Variants in TRAPPC9 observed in about 807,000 individuals in gnomAD.
The protein encoded by TRAPPC9 is IKK2 binding protein.
A neutral mutation model predicts 124.0 loss-of-function variants in TRAPPC9; 83 were observed. The observed-to-expected ratio is 0.67, with a 90% CI of 0.56 to 0.80. The LOEUF is 0.80. Among genes scored for constraint, TRAPPC9 ranks in the 30% least tolerant of loss-of-function variants. TRAPPC9 has a pLI of 0.00. For missense variants in TRAPPC9, 1,302 were observed against 1,508.3 expected, an observed-to-expected ratio of 0.86 and a Z score of 2.27; for synonymous variants, 638 against 617.5, an observed-to-expected ratio of 1.03 and a Z score of -0.49.
rs1487311156 is a variant in TRAPPC9 at position 139,885,906 on chromosome 8, G to A, written c.3028C>T (p.His1010Tyr). 6.4e-7 allele frequency: 1 copy of A among 1,569,944 alleles called. No homozygotes were observed. Among genetic ancestry groups the A allele is most frequent in the Admixed American group, 1.8e-5 (1 of 54,178 alleles). The change falls in exon 21 of 23, where the codon CAC becomes TAC. Residue 1010 changes from histidine to tyrosine, a missense_variant. By Grantham distance (83) the His-to-Tyr change is moderately conservative. Transcript: ENST00000438773. ...CACTGCAGAGGCGCCAGCTGCAGGT[G>A]CTCCAGGACGAGCTGGTTCAGGAGT... ...EGLLNQLVLE[H>Y]LQLAPLQWDV... is the part of the protein sequence containing the mutation.
chr8:140,441,642 G>T (rs2071019833), intron 2 of TRAPPC9, among the ~76,000 whole-genome samples: 1 of 151,528 alleles, frequency 6.6e-6, no homozygotes, highest in South Asian at 2.1e-4. Flanking sequence ...AACAGAGCAA[G>T]ACCATGTCTC....
chr8:139,928,992 G>A (rs1484143846), intron 19 of TRAPPC9, among the ~76,000 whole-genome samples: 1 of 152,084 alleles, frequency 6.6e-6, no homozygotes, highest in Non-Finnish European at 1.5e-5. Flanking sequence ...GGAGACGTGT[G>A]CGTGGGCGCG....
chr8:140,193,167 T>C (rs1173073618), intron 17 of TRAPPC9, among the ~76,000 whole-genome samples: 1 of 152,142 alleles, frequency 6.6e-6, no homozygotes, highest in African/African-American at 2.4e-5. Flanking sequence ...CATTCCAGAG[T>C]TGCTTGGAGG....
intron 21 of TRAPPC9, among the ~76,000 whole-genome samples, chr8:139,877,164 C>A (rs540983606): frequency 1.3e-5 from 2 of 152,312 alleles, no homozygotes; most frequent in South Asian, 4.2e-4. Flanking sequence ...CAGCACAGAC[C>A]AATCATTGAT....
chr8:140,155,179 G>A (rs1309446392), intron 17 of TRAPPC9, among the ~76,000 whole-genome samples: 1 of 152,216 alleles, frequency 6.6e-6, no homozygotes, highest in African/African-American at 2.4e-5. Flanking sequence ...TAAAAGGGGT[G>A]AGGAGATCAC....
At chr8:139,864,938 G>A (rs923144638) in intron 21 of TRAPPC9, among the ~76,000 whole-genome samples, 15 of 152,182 alleles carry the variant, frequency 9.9e-5, no homozygotes, top group South Asian at 2.1e-4. Flanking sequence ...CATGAGCTCC[G>A]CAGGAACCAT....
intron 5 of TRAPPC9, among the ~76,000 whole-genome samples, chr8:140,421,875 A>G (rs961998744): frequency 1.3e-5 from 2 of 150,764 alleles, no homozygotes; most frequent in African/African-American, 4.8e-5. Flanking sequence ...ACCACTGCAG[A>G]GTAAGTAATG....
chr8:140,001,535 G>T (rs1398514284), intron 18 of TRAPPC9, among the ~76,000 whole-genome samples: 1 of 152,022 alleles, frequency 6.6e-6, no homozygotes, highest in African/African-American at 2.4e-5. Context: ...TTTTTAAAAA[G>T]ATCAATGTAA....
intron 21 of TRAPPC9, among the ~76,000 whole-genome samples, chr8:139,794,097 C>A (rs578102455): frequency 6.6e-6 from 1 of 152,142 alleles, no homozygotes; most frequent in Non-Finnish European, 1.5e-5. Flanking sequence ...CCACCCTGCT[C>A]TGCTGTTCTT....
At chr8:140,447,811 G>A (rs2071321784) in intron 2 of TRAPPC9, among the ~76,000 whole-genome samples, 2 of 152,154 alleles carry the variant, frequency 1.3e-5, no homozygotes, top group African/African-American at 4.8e-5. Flanking sequence ...AGCTGCAGGG[G>A]AGACAAGGCT....
intron 20 of TRAPPC9, among the ~76,000 whole-genome samples, chr8:139,892,089 T>C (rs1223017658): frequency 6.6e-6 from 1 of 152,160 alleles, no homozygotes; most frequent in Non-Finnish European, 1.5e-5. Context: ...CACATACCCA[T>C]ACATGGGCCG....
At chr8:140,239,063 C>T (rs1441830464) in intron 16 of TRAPPC9, among the ~76,000 whole-genome samples, 1 of 152,166 alleles carries the variant, frequency 6.6e-6, no homozygotes, top group African/African-American at 2.4e-5. Context: ...GAGAAAGCTG[C>T]TCCTTGGAGC....
intron 11 of TRAPPC9, among the ~76,000 whole-genome samples, chr8:140,296,709 G>A (rs938631264): frequency 3.9e-5 from 6 of 152,218 alleles, no homozygotes; most frequent in Non-Finnish European, 7.3e-5. Flanking sequence ...TTTGAACAAA[G>A]GCCCTATGTT....
At chr8:139,977,856 T>A (rs1385927322) in intron 19 of TRAPPC9, among the ~76,000 whole-genome samples, 1 of 151,822 alleles carries the variant, frequency 6.6e-6, no homozygotes, top group Non-Finnish European at 1.5e-5. Context: ...AATTTTTGTA[T>A]CTTTAGTAGA....
At chr8:139,803,168 C>T (rs542229631) in intron 21 of TRAPPC9, among the ~76,000 whole-genome samples, 48 of 150,534 alleles carry the variant, frequency 3.2e-4, no homozygotes, top group Admixed American at 6.6e-4. Context: ...GTGCTGTGTG[C>T]GCGTTGTGTA....
intron 3 of TRAPPC9, among the ~76,000 whole-genome samples, chr8:140,438,457 A>G (rs1453886730): frequency 2.0e-5 from 3 of 152,138 alleles, no homozygotes; most frequent in Admixed American, 6.6e-5. Flanking sequence ...GGTGAAGATC[A>G]TGGGGAACGG....
At chr8:140,267,142 C>T (rs758981196) in intron 15 of TRAPPC9, among the ~76,000 whole-genome samples, 3 of 152,110 alleles carry the variant, frequency 2.0e-5, no homozygotes, top group South Asian at 2.1e-4. Flanking sequence ...GAAGAAAAAG[C>T]GGTTTATTCT....
At chr8:139,872,137 C>T (rs1353748683) in intron 21 of TRAPPC9, among the ~76,000 whole-genome samples, 125 of 67,990 alleles carry the variant, frequency 1.8e-3, no homozygotes, top group Middle Eastern at 0.012. Flanking sequence ...GGTGGATGGG[C>T]TGGTGGGTAA....
At chr8:140,080,239 T>C (rs999427950) in intron 17 of TRAPPC9, among the ~76,000 whole-genome samples, 26 of 152,188 alleles carry the variant, frequency 1.7e-4, no homozygotes, top group African/African-American at 6.0e-4. Context: ...CACTCAGCAC[T>C]GTGGAAATTG....
Sources: gnomAD v4.1 joint callset for allele counts (sites outside exome capture counted in the v4.1 genomes callset) on GRCh38, gnomAD v4.1.1 for gene constraint, MANE v1.5 for transcripts, NCBI Gene and HGNC (gene_info 2026-07-23, HGNC 2026-07-21) for gene names.